The following PRKAG2 variants were observed in gnomAD, a reference collection of about 807,000 sequenced individuals.
PRKAG2 encodes the protein protein kinase AMP-activated non-catalytic subunit gamma 2.
A neutral mutation model predicts 69.6 loss-of-function variants in PRKAG2; 26 were observed. That is an observed-to-expected ratio of 0.37 (90% confidence interval 0.27 to 0.52). The LOEUF is 0.52. PRKAG2 is among the 20% of genes least tolerant of loss of function. The pLI is 0.90. For synonymous variants in PRKAG2, 293 were observed against 285.0 expected, an observed-to-expected ratio of 1.03 and a Z score of -0.28; for missense variants, 557 against 740.0, an observed-to-expected ratio of 0.75 and a Z score of 2.87.
chr7:151,843,231 A>G (rs2079353077), intron 1 of PRKAG2, among the ~76,000 whole-genome samples: 2 of 152,288 alleles, frequency 1.3e-5, no homozygotes. Context: ...CCACATGTCT[A>G]GAACCTGGAA....
At position 151,834,545 on chromosome 7, in the gene PRKAG2, C is replaced by A. The variant is rs536488476; in HGVS notation, c.114+41962G>T. Among the ~76,000 whole-genome samples, 8 of 152,322 alleles carry A rather than the reference C, an allele frequency of 5.3e-5. No homozygotes were observed. The South Asian group carries it at 1.7e-3, about 32-fold the overall frequency. On this transcript the variant is annotated intron_variant, in intron 1 of 15. Coordinates refer to ENST00000287878, the MANE Select transcript of PRKAG2 (RefSeq NM_016203.4). ...GGGTGTCCCTGTTTGCACCGCACAG[C>A]GCACCCTCAGGTGAGAGTCTTCCGG...
chr7:151,858,010 C>T (rs1436146051), intron 1 of PRKAG2, among the ~76,000 whole-genome samples: 2 of 152,218 alleles, frequency 1.3e-5, no homozygotes, highest in Admixed American at 6.5e-5. Flanking sequence ...CGCTCCTTTC[C>T]CCCACTGCTG....
At chr7:151,732,486 TG>T (rs1799112341) in intron 3 of PRKAG2, among the ~76,000 whole-genome samples, 1 of 152,088 alleles carries the variant, frequency 6.6e-6, no homozygotes, top group Admixed American at 6.5e-5. Context: ...AGGGCGTTGC[TG>T]AGAGGGAATT....
intron 1 of PRKAG2, among the ~76,000 whole-genome samples, chr7:151,838,234 A>T (rs2079189179): frequency 1.3e-5 from 2 of 152,206 alleles, no homozygotes; most frequent in Non-Finnish European, 2.9e-5. Flanking sequence ...TGCAGCACTC[A>T]GCTGGGGTCA....
At chr7:151,852,651 G>A (rs2079601203) in intron 1 of PRKAG2, among the ~76,000 whole-genome samples, 2 of 151,952 alleles carry the variant, frequency 1.3e-5, no homozygotes, top group Admixed American at 1.3e-4. Flanking sequence ...ACCATATGAA[G>A]AACCGCCCCA....
intron 11 of PRKAG2, chr7:151,566,624 TCAGGA>T: frequency 2.3e-6 from 1 of 444,386 alleles, no homozygotes; most frequent in Non-Finnish European, 4.5e-6. Context: ...CTTATAATTA[TCAGGA>T]AAAGATGAAC....
At chr7:151,578,263 T>C (rs1296066399) in intron 6 of PRKAG2, among the ~76,000 whole-genome samples, 6 of 152,198 alleles carry the variant, frequency 3.9e-5, no homozygotes, top group Admixed American at 2.6e-4. Flanking sequence ...AAGAATCGCT[T>C]GAACCTGGGA....
At chr7:151,695,038 CCT>C (rs1836369806) in intron 3 of PRKAG2, among the ~76,000 whole-genome samples, 1 of 152,226 alleles carries the variant, frequency 6.6e-6, no homozygotes, top group Non-Finnish European at 1.5e-5. Flanking sequence ...GCCAGACATT[CCT>C]GCCTTCCTGC....
At chr7:151,733,210 T>C (rs932270910) in intron 3 of PRKAG2, among the ~76,000 whole-genome samples, 1 of 152,160 alleles carries the variant, frequency 6.6e-6, no homozygotes, top group African/African-American at 2.4e-5. Flanking sequence ...CTAACCAAAG[T>C]CAGACATACT....
intron 3 of PRKAG2, among the ~76,000 whole-genome samples, chr7:151,710,013 G>A (rs1795022103): frequency 6.6e-6 from 1 of 152,164 alleles, no homozygotes; most frequent in Non-Finnish European, 1.5e-5. Flanking sequence ...TTACAGTAGA[G>A]CCCCACGGAG....
At chr7:151,794,770 C>A (rs1037430895) in intron 1 of PRKAG2, among the ~76,000 whole-genome samples, 2 of 152,238 alleles carry the variant, frequency 1.3e-5, no homozygotes, top group Non-Finnish European at 2.9e-5. Flanking sequence ...GACTTGTGCA[C>A]GGCAGTTCTA....
chr7:151,747,414 G>C (rs184409257), intron 3 of PRKAG2, among the ~76,000 whole-genome samples: 1 of 152,044 alleles, frequency 6.6e-6, no homozygotes, highest in East Asian at 1.9e-4. Flanking sequence ...AAAATTAGCC[G>C]GGCGTGGTGG....
intron 5 of PRKAG2, among the ~76,000 whole-genome samples, chr7:151,596,274 C>T (rs928897871): frequency 6.6e-6 from 1 of 152,078 alleles, no homozygotes; most frequent in Non-Finnish European, 1.5e-5. Context: ...AGTAAAGTTA[C>T]AAGATATAAA....
At chr7:151,634,727 A>G (rs1157530014) in intron 4 of PRKAG2, among the ~76,000 whole-genome samples, 1 of 152,246 alleles carries the variant, frequency 6.6e-6, no homozygotes, top group East Asian at 1.9e-4. Flanking sequence ...TTTCACCAAG[A>G]AAGATATACA....
intron 3 of PRKAG2, among the ~76,000 whole-genome samples, chr7:151,747,029 C>G (rs573573278): frequency 6.6e-6 from 1 of 152,044 alleles, no homozygotes; most frequent in African/African-American, 2.4e-5. Flanking sequence ...TGTGATGGGG[C>G]GGGGGAGAGG....
intron 5 of PRKAG2, among the ~76,000 whole-genome samples, chr7:151,610,739 C>T (rs1299928813): frequency 1.5e-4 from 16 of 105,578 alleles, no homozygotes; most frequent in South Asian, 6.1e-4. Context: ...TTTTTCTTTT[C>T]TTTTTTTTTT....
chr7:151,804,982 G>T (rs1013437941), intron 1 of PRKAG2, among the ~76,000 whole-genome samples: 1 of 152,214 alleles, frequency 6.6e-6, no homozygotes, highest in Admixed American at 6.5e-5. Context: ...GTGGCTCAAC[G>T]CATGGCAGGC....
At chr7:151,715,953 A>G (rs1459185030) in intron 3 of PRKAG2, among the ~76,000 whole-genome samples, 1 of 152,142 alleles carries the variant, frequency 6.6e-6, no homozygotes, top group Non-Finnish European at 1.5e-5. Context: ...GCACTTTTAT[A>G]TATTTATAGA....
rs550651324 is a variant in PRKAG2 at position 151,608,093 on chromosome 7, C to T, written c.755-12639G>A. 3.4e-4 allele frequency among the ~76,000 whole-genome samples: 51 copies of T among 152,166 alleles called. No individual in the cohort carries two copies. In the East Asian group the frequency reaches 3.5e-3, roughly 10 times the overall value. ...TGAAGACAGGTGGAGGCTGGGGCGA[C>T]GCAGCGACAAGCCAAGGATGCCAAG... On this transcript the variant is annotated intron_variant, in intron 5 of 15. Coordinates refer to ENST00000287878, the MANE Select transcript of PRKAG2 (RefSeq NM_016203.4).
Sources: gnomAD v4.1 joint callset for allele counts (sites outside exome capture counted in the v4.1 genomes callset) on GRCh38, gnomAD v4.1.1 for gene constraint, MANE v1.5 for transcripts, NCBI Gene and HGNC (gene_info 2026-07-23, HGNC 2026-07-21) for gene names.